Variants in RFX3 observed in about 807,000 individuals in gnomAD.
The protein encoded by RFX3 is transcription factor RFX3.
RFX3 carries 14 observed loss-of-function variants against 98.6 expected under a neutral mutation model. The observed-to-expected ratio is 0.14, with a 90% CI of 0.09 to 0.22. The LOEUF is 0.22. Ranked by LOEUF, RFX3 falls within the 10% of genes least tolerant of loss-of-function variation. The pLI, the probability that RFX3 is intolerant of heterozygous loss-of-function variation, is 1.00. For synonymous variants in RFX3, 383 were observed against 328.4 expected (o/e 1.17, Z -1.80); for missense variants, 639 against 926.9 (o/e 0.69, Z 4.03).
chr9:3,312,361 G>A (rs115516214), intron 4 of RFX3, among the ~76,000 whole-genome samples: 4 of 152,076 alleles, frequency 2.6e-5, no homozygotes, highest in African/African-American at 9.7e-5. Context: ...TCTAGTCAAT[G>A]GAAACCTTCT....
At chr9:3,225,517 T>C (rs1331155503) in intron 16 of RFX3, among the ~76,000 whole-genome samples, 2 of 149,102 alleles carry the variant, frequency 1.3e-5, no homozygotes, top group African/African-American at 2.6e-5. Context: ...CAACTTGTGA[T>C]TGATACTTTG....
intron 1 of RFX3, among the ~76,000 whole-genome samples, chr9:3,464,163 T>G (rs899977615): frequency 6.6e-6 from 1 of 152,162 alleles, no homozygotes; most frequent in Non-Finnish European, 1.5e-5. Context: ...TTGACAAGGA[T>G]GTAGAGCAAC....
At position 3,475,353 on chromosome 9, in the gene RFX3, A is replaced by AC. The variant is rs546787562; in HGVS notation, c.-9+50393dup. ...GGACCGCAACCACCAAGACGCAGAGACCGGTAGTGGCCCCGAATGCCAGGC... is the reference window on the plus strand; with the variant it reads ...GGACCGCAACCACCAAGACGCAGAGACCCGGTAGTGGCCCCGAATGCCAGGC... On this transcript the variant is annotated intron_variant, in intron 1 of 16. Transcript: ENST00000617270. Among the ~76,000 whole-genome samples, 40 of 151,820 alleles carry AC rather than the reference A, an allele frequency of 2.6e-4. 3 individuals are homozygous for AC. In the South Asian group the frequency reaches 8.4e-3, roughly 32 times the overall value.
chr9:3,403,759 G>C (rs76567069), intron 1 of RFX3, among the ~76,000 whole-genome samples: 4,103 of 152,214 alleles, frequency 0.027, 205 homozygotes, highest in African/African-American at 0.094. Context: ...AGCAAAGGGA[G>C]GCAAAGATTG....
intron 1 of RFX3, among the ~76,000 whole-genome samples, chr9:3,442,614 G>C (rs903656869): frequency 6.6e-6 from 1 of 152,174 alleles, no homozygotes; most frequent in African/African-American, 2.4e-5. Context: ...TGGTTGCCTA[G>C]TTGTAACAAA....
At position 3,495,438 on chromosome 9, in the gene RFX3, T is replaced by C. The variant is rs529095905; in HGVS notation, c.-9+30309A>G. Among the ~76,000 whole-genome samples the C allele has an allele frequency of 4.0e-4, 61 of 152,196 alleles. 1 individual carries two copies. The highest frequency in any genetic ancestry group is 1.4e-3 in the African/African-American group (58 of 41,558). ...AAAAAAATGGCAGCTATCAATAGAA[T>C]ATATTTTAACTCTGAAATTTAACAT... On this transcript the variant is annotated intron_variant, in intron 1 of 16. Transcript: ENST00000617270.
chr9:3,316,009 T>A (rs1021449794), intron 4 of RFX3, among the ~76,000 whole-genome samples: 7 of 152,168 alleles, frequency 4.6e-5, no homozygotes, highest in Admixed American at 3.9e-4. Flanking sequence ...GAGGGAATCC[T>A]CCCTAATTCA....
At chr9:3,338,485 G>A (rs532763741) in intron 3 of RFX3, among the ~76,000 whole-genome samples, 13 of 151,690 alleles carry the variant, frequency 8.6e-5, no homozygotes, top group Non-Finnish European at 1.5e-4. Flanking sequence ...TGATTATTTT[G>A]TAAGGATCGG....
chr9:3,496,610 T>C (rs368081351), intron 1 of RFX3, among the ~76,000 whole-genome samples: 2 of 152,002 alleles, frequency 1.3e-5, no homozygotes, highest in East Asian at 1.9e-4. Flanking sequence ...TTAAGCTCTC[T>C]CTATACGCTT....
intron 15 of RFX3, among the ~76,000 whole-genome samples, chr9:3,234,435 T>A (rs1192499391): frequency 6.6e-6 from 1 of 152,160 alleles, no homozygotes; most frequent in Non-Finnish European, 1.5e-5. Flanking sequence ...GCCCAGGAGT[T>A]TGAGGCTAGC....
Position 3,525,938 on chromosome 9 carries a change from GAGGGA to G in RFX3, c.-205_-201del. Reference sequence around the variant, plus strand: ...CTATAACTCACAAAAGAGAGAGAGAGAGGGAGAGAGAGAGAGAGCGAGAGGGAGAG... The same window carrying G: ...CTATAACTCACAAAAGAGAGAGAGAGGAGAGAGAGAGAGCGAGAGGGAGAG... On this transcript the variant is annotated 5_prime_UTR_variant, in exon 1 of 17. Transcript: ENST00000617270. 1.1e-6 allele frequency: 1 copy of G among 922,662 alleles called. No homozygotes were observed. The highest frequency in any genetic ancestry group is 1.3e-6 in the Non-Finnish European group (1 of 774,436). The allele number at this position is 922,662 out of a possible 1,614,324, so 57.2% of individuals were successfully genotyped here.
intron 3 of RFX3, among the ~76,000 whole-genome samples, chr9:3,345,102 C>G (rs1834310438): frequency 6.6e-6 from 1 of 152,024 alleles, no homozygotes; most frequent in Non-Finnish European, 1.5e-5. Flanking sequence ...AAGTAAAAGT[C>G]AGGGGATAAT....
At chr9:3,447,298 AAAG>A (rs528550981) in intron 1 of RFX3, among the ~76,000 whole-genome samples, 367 of 152,290 alleles carry the variant, frequency 2.4e-3, no homozygotes, top group Admixed American at 5.2e-3. Context: ...CAGAAGGACA[AAAG>A]AAGCAATTTT....
At chr9:3,291,236 G>A (rs1047775541) in intron 6 of RFX3, among the ~76,000 whole-genome samples, 1 of 151,890 alleles carries the variant, frequency 6.6e-6, no homozygotes, top group Non-Finnish European at 1.5e-5. Context: ...GTGGTGGAGT[G>A]GGGTGGTGCC....
At chr9:3,324,139 T>C (rs776451091) in intron 4 of RFX3, 22 of 365,572 alleles carry the variant, frequency 6.0e-5, no homozygotes, top group Non-Finnish European at 3.8e-5. Context: ...GCTAAGATCA[T>C]AATGGTGATA....
chr9:3,344,289 C>G (rs1038234038), intron 3 of RFX3, among the ~76,000 whole-genome samples: 1 of 152,120 alleles, frequency 6.6e-6, no homozygotes, highest in Admixed American at 6.6e-5. Flanking sequence ...ATCCAAAATG[C>G]TTGGAACAAG....
chr9:3,357,216 A>G (rs1283895771), intron 2 of RFX3, among the ~76,000 whole-genome samples: 3 of 152,036 alleles, frequency 2.0e-5, no homozygotes, highest in Non-Finnish European at 4.4e-5. Flanking sequence ...CATTAATAAT[A>G]TGTAAACCTT....
At chr9:3,450,671 C>T (rs181488282) in intron 1 of RFX3, among the ~76,000 whole-genome samples, 5 of 152,092 alleles carry the variant, frequency 3.3e-5, no homozygotes, top group African/African-American at 7.2e-5. Flanking sequence ...TTCAAATTAC[C>T]ATGTTTTGAA....
At chr9:3,348,377 C>T (rs1834692084) in intron 2 of RFX3, among the ~76,000 whole-genome samples, 1 of 151,950 alleles carries the variant, frequency 6.6e-6, no homozygotes, top group African/African-American at 2.4e-5. Context: ...TCATATGTTG[C>T]CACCTGGGTC....
Sources: gnomAD v4.1 joint callset for allele counts (sites outside exome capture counted in the v4.1 genomes callset) on GRCh38, gnomAD v4.1.1 for gene constraint, MANE v1.5 for transcripts, NCBI Gene and HGNC (gene_info 2026-07-23, HGNC 2026-07-21) for gene names.